The following STRADA variants were observed in gnomAD, a reference collection of about 807,000 sequenced individuals.
The protein encoded by STRADA is STE20-related kinase adapter protein alpha.
In STRADA, 26 loss-of-function variants were observed where a neutral mutation model predicts 55.0. The observed-to-expected ratio is 0.47, with a 90% CI of 0.35 to 0.66. The LOEUF is 0.66. STRADA is among the 30% of genes least tolerant of loss of function. STRADA has a pLI of 0.01. For missense variants in STRADA, 443 were observed against 549.7 expected (o/e 0.81, Z 1.94); for synonymous variants, 197 against 210.9 (o/e 0.93, Z 0.57).
chr17:63,710,813 G>C lies in STRADA; in HGVS notation c.372C>G (p.Leu124=). The C allele has an allele frequency of 6.2e-7, 1 of 1,614,206 alleles. No individual in the cohort carries two copies. Among genetic ancestry groups the C allele is most frequent in the Non-Finnish European group, 8.5e-7 (1 of 1,180,030 alleles). Residue 124 remains leucine (L), a synonymous_variant, in exon 7 of 13, where the codon CTC becomes CTG. Transcript: ENST00000336174. ...ATGGCACGATATTGGGATGGTTGAA[G>C]AGTTTGGAGACATGCAGCTCGCCCT... ...FLQGELHVSK[L]FNHPNIVPYR... is the part of the protein sequence containing the mutation.
At position 63,713,436 on chromosome 17, in the gene STRADA, A is replaced by G; in HGVS notation, c.318T>C (p.Ala106=). The G allele has an allele frequency of 6.2e-7, 1 of 1,614,128 alleles. No individual in the cohort carries two copies. Among genetic ancestry groups the G allele is most frequent in the Non-Finnish European group, 8.5e-7 (1 of 1,180,012 alleles). Residue 106 remains alanine, a synonymous_variant, in exon 6 of 13, where the codon GCT becomes GCC. Coordinates refer to ENST00000336174, the MANE Select transcript of STRADA (RefSeq NM_001003787.4). The part of the protein sequence containing the change: ...YVTVRRINLE[A]CSNEMVTFLQ... ...AGAATGTTACCATCTCATTGGAACA[A>G]GCTTCTAGGTTAATCCTCCGTACAG...
Position 63,707,292 on chromosome 17 carries a change from G to GT in STRADA, c.707dup (p.Tyr236Ter). Reference protein sequence around the residue: ...RQRVVHDFPKYSVKVLPWLSP... With the variant: ...RQRVVHDFPK ...TGAGCCACGGCAGAACCTTGACACT[G>GT]TACTTGGGAAAATCGTGGACCACTC... Residue 236 changes from tyrosine (Y) to a stop codon, truncating the protein, a stop_gained and frameshift_variant, in exon 9 of 13, where the codon TAC (tyrosine) becomes TAAC (stop). Transcript: ENST00000336174. LOFTEE classifies it high-confidence loss of function. The GT allele has an allele frequency of 6.2e-7, 1 of 1,614,210 alleles. No homozygotes were observed. The highest frequency in any genetic ancestry group is 8.5e-7 in the Non-Finnish European group (1 of 1,180,040).
chr17:63,720,856 G>A (rs1568200965), intron 4 of STRADA, among the ~76,000 whole-genome samples: 1 of 151,928 alleles, frequency 6.6e-6, no homozygotes, highest in Admixed American at 6.6e-5. Context: ...CAGCACTTTG[G>A]GAGGCTGAGA....
chr17:63,704,681 T>C, intron 10 of STRADA, 99 bp from the exon 11 acceptor site: 1 of 1,504,642 alleles, frequency 6.6e-7, no homozygotes, highest in Non-Finnish European at 8.8e-7. Flanking sequence ...CTGTTCCCAA[T>C]ATGCAAATGT....
At chr17:63,716,689 A>G (rs1486424141) in intron 4 of STRADA, among the ~76,000 whole-genome samples, 13 of 152,182 alleles carry the variant, frequency 8.5e-5, no homozygotes, top group Admixed American at 8.5e-4. Flanking sequence ...TAGGAAATGC[A>G]GCACACTCTC....
intron 8 of STRADA, among the ~76,000 whole-genome samples, chr17:63,708,037 C>T (rs867279626): frequency 6.6e-6 from 1 of 151,982 alleles, no homozygotes; most frequent in Non-Finnish European, 1.5e-5. Flanking sequence ...GCGCTGGGCC[C>T]GCCCAACTAA....
At chr17:63,710,051 T>TC (rs60644798) in intron 8 of STRADA, among the ~76,000 whole-genome samples, 11 of 149,598 alleles carry the variant, frequency 7.4e-5, no homozygotes, top group Admixed American at 2.7e-4. Context: ...TTTTTTTTTT[T>TC]CAGACAAGAG....
chr17:63,719,343 C>T (rs1052916989), intron 4 of STRADA, among the ~76,000 whole-genome samples: 14 of 152,300 alleles, frequency 9.2e-5, no homozygotes, highest in African/African-American at 2.6e-4. Flanking sequence ...TGAAGGTCTT[C>T]GTGCATCTGC....
chr17:63,738,912 G>A (rs1349903839), intron 1 of STRADA, among the ~76,000 whole-genome samples: 1 of 151,920 alleles, frequency 6.6e-6, no homozygotes, highest in African/African-American at 2.4e-5. Context: ...AGCACTTTGG[G>A]AGGCAGAGGC....
At chr17:63,723,842 G>A (rs2037471302) in intron 3 of STRADA, 1 of 152,382 alleles carries the variant, frequency 6.6e-6, no homozygotes, top group African/African-American at 2.4e-5. Flanking sequence ...AGATATATTT[G>A]ATTCTAAATG....
chr17:63,707,507 T>G, intron 8 of STRADA, 89 bp from the exon 9 acceptor site: 2 of 1,282,214 alleles, frequency 1.6e-6, no homozygotes, highest in Non-Finnish European at 2.2e-6. Context: ...TGGCCAGCTC[T>G]CTCCTGTGTG....
intron 1 of STRADA, among the ~76,000 whole-genome samples, chr17:63,732,749 C>T (rs966280258): frequency 2.0e-5 from 3 of 152,032 alleles, no homozygotes; most frequent in Admixed American, 6.6e-5. Flanking sequence ...GAGCCACGAT[C>T]GCACCACTGC....
chr17:63,740,155 C>CCTATATATATATATAT (rs1555712361), intron 1 of STRADA, among the ~76,000 whole-genome samples: 1 of 111,410 alleles, frequency 9.0e-6, no homozygotes, highest in African/African-American at 3.9e-5. Context: ...TATACACACA[C>CCTATATATATATATAT]ACACACACAC....
Position 63,740,135 on chromosome 17 carries a change from C to CATAT in STRADA, c.-45+1602_-45+1605dup, listed in dbSNP as rs1228869564. ...ATACATACATATATATATACACATA[C>CATAT]ATATATATATATACACACACACACA... On this transcript the variant is annotated intron_variant, in intron 1 of 12. Transcript: ENST00000336174. 3.1e-4 allele frequency among the ~76,000 whole-genome samples: 17 copies of CATAT among 54,220 alleles called. 1 individual carries two copies. The highest frequency in any genetic ancestry group is 1.4e-3 in the African/African-American group (17 of 12,502). The allele number at this position is 54,220 out of a possible 152,430, so 35.6% of individuals were successfully genotyped here.
chr17:63,706,877 G>T, intron 9 of STRADA, 138 bp from the exon 10 acceptor site: 1 of 675,190 alleles, frequency 1.5e-6, no homozygotes, highest in Non-Finnish European at 2.6e-6. Flanking sequence ...CTGTGCTACT[G>T]AAGACTAACT....
intron 1 of STRADA, among the ~76,000 whole-genome samples, chr17:63,739,888 G>A (rs2038762428): frequency 7.1e-6 from 1 of 140,342 alleles, no homozygotes; most frequent in Admixed American, 7.0e-5. Context: ...CTCCGACGAA[G>A]GCCCGGGCCT....
At position 63,713,558 on chromosome 17, in the gene STRADA, G is replaced by A. The variant is rs577611652; in HGVS notation, c.227-31C>T. On this transcript the variant is annotated intron_variant, in intron 5 of 12. Transcript: ENST00000336174. ...AGAAAAAGGGAATGCCATACGCAAGGACAAGAACAACAAAAGGTTTTAAGA... is the reference window on the plus strand; with the variant it reads ...AGAAAAAGGGAATGCCATACGCAAGAACAAGAACAACAAAAGGTTTTAAGA... 28 of 1,600,380 alleles carry A rather than the reference G, an allele frequency of 1.7e-5. No homozygotes were observed. In the East Asian group the frequency reaches 5.6e-4, roughly 32 times the overall value.
chr17:63,706,700 C>T lies in STRADA; in HGVS notation c.793G>A (p.Val265Met), dbSNP rs1234853228. Residue 265 changes from valine (V) to methionine (M), a missense_variant, in exon 10 of 13, where the codon GTG becomes ATG. Coordinates refer to ENST00000336174, the MANE Select transcript of STRADA (RefSeq NM_001003787.4). ...GCCAGTTCACAGGCTGTGATTCCCA[C>T]ACTGTAGATGTCAGACTTGGCATCA... is the stretch of plus-strand genomic sequence containing the variant. ...GYDAKSDIYS[V>M]GITACELANG... 6.2e-7 allele frequency: 1 copy of T among 1,614,054 alleles called. No homozygotes were observed. The highest frequency in any genetic ancestry group is 1.7e-5 in the Admixed American group (1 of 60,024).
At chr17:63,706,870 T>C in intron 9 of STRADA, 131 bp from the exon 10 acceptor site, 1 of 698,714 alleles carries the variant, frequency 1.4e-6, no homozygotes, top group Non-Finnish European at 2.5e-6. Context: ...TCCTTGCCTG[T>C]GCTACTGAAG....
Sources: allele counts gnomAD v4.1 joint callset (sites outside exome capture counted in the v4.1 genomes callset), GRCh38; gene constraint gnomAD v4.1.1; transcripts MANE v1.5; gene names NCBI Gene and HGNC (gene_info 2026-07-23, HGNC 2026-07-21).